The following FNDC1 variants were observed in gnomAD, a reference collection of about 807,000 sequenced individuals.
The protein encoded by FNDC1 is fibronectin type III domain containing 1, also known as fibronectin type III domain-containing protein 1.
A neutral mutation model predicts 168.0 loss-of-function variants in FNDC1; 96 were observed. That is an observed-to-expected ratio of 0.57 (90% confidence interval 0.48 to 0.68). FNDC1 has a LOEUF of 0.68. Among genes scored for constraint, FNDC1 ranks in the 30% least tolerant of loss-of-function variants. The probability of loss-of-function intolerance (pLI) is 0.00; values close to 1 mark genes in which losing one functional copy is unlikely to be tolerated. For missense variants in FNDC1, 2,587 were observed against 2,482.1 expected, an observed-to-expected ratio of 1.04 and a Z score of -0.90; for synonymous variants, 1,099 against 1,025.9, an observed-to-expected ratio of 1.07 and a Z score of -1.36.
intron 1 of FNDC1, among the ~76,000 whole-genome samples, chr6:159,175,102 A>G (rs558675892): frequency 6.6e-6 from 1 of 152,326 alleles, no homozygotes; most frequent in South Asian, 2.1e-4. Context: ...CTACATGTGG[A>G]CGAAATGATT....
chr6:159,178,420 TG>T (rs1781811107), intron 1 of FNDC1, among the ~76,000 whole-genome samples: 1 of 152,094 alleles, frequency 6.6e-6, no homozygotes, highest in African/African-American at 2.4e-5. Flanking sequence ...AGCAGTAAGG[TG>T]GACGTACCAT....
In FNDC1 at chr6:159,256,551, A is replaced by C. The variant is rs769544211; in HGVS notation, c.5094A>C (p.Glu1698Asp). ...ACTTGGTTTACAGTGCATCCTATGA[A>C]GACTTCATCAGGAACAAGTGGTCCA... The part of the protein sequence containing the change: ...TGYLVYSASY[E>D]DFIRNKWSTQ... The change falls in exon 18 of 23, where the codon GAA (glutamate) becomes GAC (aspartate). Residue 1698 changes from glutamate (E) to aspartate (D), a missense_variant. Transcript: ENST00000297267. 1 of 1,613,906 alleles carries C rather than the reference A, an allele frequency of 6.2e-7. No homozygotes were observed. Among genetic ancestry groups the C allele is most frequent in the Non-Finnish European group, 8.5e-7 (1 of 1,179,818 alleles).
intron 1 of FNDC1, among the ~76,000 whole-genome samples, chr6:159,190,009 A>G (rs1320112778): frequency 6.6e-6 from 1 of 152,210 alleles, no homozygotes; most frequent in East Asian, 1.9e-4. Context: ...GGAGTTGGCT[A>G]AAGAATGAGT....
At chr6:159,238,052 G>T (rs1783304521) in intron 12 of FNDC1, among the ~76,000 whole-genome samples, 1 of 150,900 alleles carries the variant, frequency 6.6e-6, no homozygotes, top group Admixed American at 6.6e-5. Flanking sequence ...CAATTTACAT[G>T]TTATATGGGT....
chr6:159,236,135 T>C, intron 11 of FNDC1, 80 bp from the exon 12 acceptor site: 1 of 877,116 alleles, frequency 1.1e-6, no homozygotes, highest in Non-Finnish European at 1.8e-6. Flanking sequence ...GTGTCACTAC[T>C]AATAGTTTGG....
chr6:159,190,900 AG>A (rs1782123285), intron 1 of FNDC1, among the ~76,000 whole-genome samples: 1 of 152,188 alleles, frequency 6.6e-6, no homozygotes, highest in Non-Finnish European at 1.5e-5. Flanking sequence ...TATTTGTATC[AG>A]TTCGTTCTCA....
rs1441032890 is a variant in FNDC1, at chr6:159,232,125, C to A, written c.1613C>A (p.Thr538Lys). 2 of 1,613,836 alleles carry A rather than the reference C, an allele frequency of 1.2e-6. No homozygotes were observed. The part of the protein sequence containing the change: ...KKAEELDLQS[T>K]EITGEEELGS... The stretch of plus-strand genomic sequence containing the variant: ...GCAGAGGAGCTGGATCTTCAGTCGA[C>A]AGAAATCACTGGGGAGGAGGAGCTG... The change falls in exon 11 of 23, where the codon ACA (threonine) becomes AAA (lysine). Residue 538 changes from threonine to lysine, a missense_variant. Physicochemically the swap from Thr to Lys is moderately conservative, Grantham distance 78. Transcript: ENST00000297267. This position sits in a 1 kb window ranked among gnomAD's most constrained non-coding sequence, Gnocchi z 4.9.
rs557965951 is a variant in FNDC1 at position 159,259,140 on chromosome 6, G to A, written c.5175-2050G>A. Among the ~76,000 whole-genome samples, 11 of 152,286 alleles carry A rather than the reference G, an allele frequency of 7.2e-5. No individual in the cohort carries two copies. In the East Asian group the frequency reaches 2.1e-3, roughly 29 times the overall value. Reference sequence around the variant, plus strand: ...AAACTTATATAAGAAGGCGAGGCATGGATTGCTTTTGTTACTTGGCTGAGG... The same window carrying A: ...AAACTTATATAAGAAGGCGAGGCATAGATTGCTTTTGTTACTTGGCTGAGG... On this transcript the variant is annotated intron_variant, in intron 18 of 22. Transcript: ENST00000297267.
Position 159,267,929 on chromosome 6 carries a change from A to G in FNDC1, c.5569+3A>G, listed in dbSNP as rs756288136. 27 of 1,605,886 alleles carry G rather than the reference A, an allele frequency of 1.7e-5. No homozygotes were observed. In the South Asian group the frequency reaches 3.0e-4, roughly 18 times the overall value. On this transcript the variant is annotated splice_donor_region_variant and intron_variant, in intron 22 of 22. Transcript: ENST00000297267. ...AGAAGCCCTCCCTACTATTCAAGGT[A>G]ATACAAACAAATGCCTGATATATTA...
rs113789381 is a variant in FNDC1 at position 159,193,295 on chromosome 6, G to A, written c.110-4136G>A. On this transcript the variant is annotated intron_variant, in intron 1 of 22. Transcript: ENST00000297267. ...TTTGTCTGAATTTCTTTTCGTCACC[G>A]GAACCTAAACTGAATTGTGCCTTTA... Among the ~76,000 whole-genome samples the A allele has an allele frequency of 7.7e-3, 1,168 of 152,164 alleles. 15 individuals carry two copies. The highest frequency in any genetic ancestry group is 0.027 in the African/African-American group (1,123 of 41,516).
chr6:159,211,460 A>G (rs1206515193), intron 4 of FNDC1, among the ~76,000 whole-genome samples: 1 of 152,210 alleles, frequency 6.6e-6, no homozygotes, highest in Non-Finnish European at 1.5e-5. Flanking sequence ...GAAGATGAAT[A>G]ACGCTCTTCA....
intron 19 of FNDC1, among the ~76,000 whole-genome samples, chr6:159,263,407 AT>A (rs907751588): frequency 1.3e-5 from 2 of 152,072 alleles, no homozygotes; most frequent in African/African-American, 2.4e-5. Context: ...ACTGTATGAT[AT>A]TTTTTTCAAA....
chr6:159,232,403 C>T lies in FNDC1; in HGVS notation c.1891C>T (p.His631Tyr), dbSNP rs768707956. Reference sequence around the variant, plus strand: ...CCACGCGTCCACCCAGGGCACCTCTCATCGTCCTTCCCTGCCTGCCAGCTT... The same window carrying T: ...CCACGCGTCCACCCAGGGCACCTCTTATCGTCCTTCCCTGCCTGCCAGCTT... ...AHHASTQGTS[H>Y]RPSLPASLND... Residue 631 changes from histidine (H) to tyrosine (Y), a missense_variant, in exon 11 of 23, where the codon CAT (histidine) becomes TAT (tyrosine). Coordinates refer to ENST00000297267, the MANE Select transcript of FNDC1 (RefSeq NM_032532.3). The surrounding 1 kb of genome is among the most constrained non-coding windows in gnomAD (Gnocchi z 4.9). 3.7e-5 allele frequency: 60 copies of T among 1,612,492 alleles called. No homozygotes were observed. Among genetic ancestry groups the T allele is most frequent in the Non-Finnish European group, 4.9e-5 (58 of 1,178,992 alleles).
chr6:159,200,470 C>A (rs1209034343), intron 3 of FNDC1, 43 bp from the exon 4 acceptor site: 3 of 1,466,400 alleles, frequency 2.0e-6, no homozygotes, highest in South Asian at 1.2e-5. Flanking sequence ...GAAAACCCAA[C>A]AGTCCTCGTT....
At chr6:159,247,280 C>T (rs528521254) in intron 15 of FNDC1, among the ~76,000 whole-genome samples, 14 of 145,048 alleles carry the variant, frequency 9.7e-5, no homozygotes, top group Non-Finnish European at 1.8e-4. Flanking sequence ...TCCATCTGGG[C>T]TCCCCTTCAA....
In FNDC1 at chr6:159,236,204, G is replaced by T. The variant is rs1425830144; in HGVS notation, c.3968-11G>T. 1.3e-6 allele frequency: 2 copies of T among 1,597,464 alleles called. No homozygotes were observed. Among genetic ancestry groups the T allele is most frequent in the African/African-American group, 1.3e-5 (1 of 74,528 alleles). On this transcript the variant is annotated splice_polypyrimidine_tract_variant and intron_variant, in intron 11 of 22. Coordinates refer to ENST00000297267, the MANE Select transcript of FNDC1 (RefSeq NM_032532.3). Reference sequence around the variant, plus strand: ...CCAGGCTCTGTTATTTTTATTTTTGGTACTGTGTAGGTTATAATGGCAGAC... The same window carrying T: ...CCAGGCTCTGTTATTTTTATTTTTGTTACTGTGTAGGTTATAATGGCAGAC...
At chr6:159,207,305 C>T (rs1030024643) in intron 4 of FNDC1, among the ~76,000 whole-genome samples, 19 of 152,266 alleles carry the variant, frequency 1.2e-4, no homozygotes, top group South Asian at 6.2e-4. Flanking sequence ...GCGACTGTTC[C>T]GACTGTGAGG....
At chr6:159,268,053 GT>G (rs1777627258) in intron 22 of FNDC1, 127 bp downstream of exon 22, 1 of 968,694 alleles carries the variant, frequency 1.0e-6, no homozygotes, top group Admixed American at 2.7e-5. Flanking sequence ...AGCACTTAAG[GT>G]CATAAAAATA....
intron 4 of FNDC1, among the ~76,000 whole-genome samples, chr6:159,208,943 C>T (rs1385524566): frequency 6.6e-6 from 1 of 151,414 alleles, no homozygotes; most frequent in Non-Finnish European, 1.5e-5. Context: ...TGCCTCCCGG[C>T]ATCAAGCGAT....
Sources: gnomAD v4.1 joint callset for allele counts (sites outside exome capture counted in the v4.1 genomes callset) on GRCh38, gnomAD v4.1.1 for gene constraint, Gnocchi (gnomAD v3.1) non-coding constraint, MANE v1.5 for transcripts, NCBI Gene and HGNC (gene_info 2026-07-23, HGNC 2026-07-21) for gene names.